Variants in MAST4 observed in about 807,000 individuals in gnomAD.
MAST4 encodes microtubule associated serine/threonine kinase family member 4.
MAST4 carries 89 observed loss-of-function variants against 162.7 expected under a neutral mutation model. The ratio of observed to expected loss-of-function variants is 0.55; its 90% CI spans 0.46 to 0.65. The LOEUF (loss-of-function observed/expected upper bound fraction) is 0.65, where lower values mean the gene tolerates loss of function less well. MAST4 is among the 30% of genes least tolerant of loss of function. MAST4 has a pLI of 0.00. For missense variants in MAST4, 3,153 were observed against 3,374.0 expected (o/e 0.93, Z 1.62); for synonymous variants, 1,479 against 1,361.1 (o/e 1.09, Z -1.91).
At chr5:67,009,297 T>G (rs2150346917) in intron 4 of MAST4, among the ~76,000 whole-genome samples, 1 of 152,266 alleles carries the variant, frequency 6.6e-6, no homozygotes, top group African/African-American at 2.4e-5. Flanking sequence ...TTGACGAAAG[T>G]GAAGAACAGA....
intron 3 of MAST4, among the ~76,000 whole-genome samples, chr5:66,844,290 T>TA (rs1352571026): frequency 1.3e-5 from 2 of 151,986 alleles, no homozygotes; most frequent in Non-Finnish European, 2.9e-5. Context: ...TATGACCTTT[T>TA]CAGCTTTGAA....
chr5:66,822,333 A>G (rs1366908163), intron 3 of MAST4, among the ~76,000 whole-genome samples: 1 of 152,180 alleles, frequency 6.6e-6, no homozygotes. Flanking sequence ...GTTGCCTTCA[A>G]TGGTAAGTTC....
intron 2 of MAST4, among the ~76,000 whole-genome samples, chr5:66,785,956 C>T (rs1366950164): frequency 6.6e-6 from 1 of 152,164 alleles, no homozygotes; most frequent in Non-Finnish European, 1.5e-5. Flanking sequence ...GCAACCTCCA[C>T]CTCCTAGGCT....
chr5:67,041,911 A>G (rs1474643300), intron 4 of MAST4, among the ~76,000 whole-genome samples: 3 of 152,230 alleles, frequency 2.0e-5, no homozygotes, highest in African/African-American at 7.2e-5. Context: ...TACAGGCATG[A>G]GCCACTGTGC....
intron 4 of MAST4, among the ~76,000 whole-genome samples, chr5:67,044,582 A>G (rs916112372): frequency 7.9e-5 from 12 of 152,122 alleles, no homozygotes; most frequent in African/African-American, 2.7e-4. Flanking sequence ...TGGAGTGATC[A>G]TGGCTCACTG....
chr5:66,999,793 T>C (rs1052725754), intron 4 of MAST4, among the ~76,000 whole-genome samples: 1 of 152,318 alleles, frequency 6.6e-6, no homozygotes, highest in South Asian at 2.1e-4. Flanking sequence ...GGCATTATTT[T>C]AAAATATTTT....
chr5:66,855,963 A>G (rs1759652905), intron 3 of MAST4, among the ~76,000 whole-genome samples: 1 of 152,060 alleles, frequency 6.6e-6, no homozygotes, highest in Non-Finnish European at 1.5e-5. Flanking sequence ...GGAGTTTGAG[A>G]CCAGTCTGGG....
intron 5 of MAST4, among the ~76,000 whole-genome samples, chr5:67,077,312 T>C (rs2150704374): frequency 6.6e-6 from 1 of 152,254 alleles, no homozygotes; most frequent in East Asian, 1.9e-4. Flanking sequence ...CATTCTGATT[T>C]AATTGGTTTG....
At chr5:66,640,309 C>CTTTT (rs770087325) in intron 1 of MAST4, among the ~76,000 whole-genome samples, 1 of 139,918 alleles carries the variant, frequency 7.1e-6, no homozygotes, top group Admixed American at 7.2e-5. Flanking sequence ...CAATTTGTTT[C>CTTTT]TTTTTTTTTT....
intron 11 of MAST4, among the ~76,000 whole-genome samples, chr5:67,113,545 A>G (rs1275246771): frequency 6.6e-6 from 1 of 152,188 alleles, no homozygotes; most frequent in Non-Finnish European, 1.5e-5. Context: ...CTTTATGTGA[A>G]TAGTAGTAAC....
chr5:67,002,232 A>C (rs536248646), intron 4 of MAST4, among the ~76,000 whole-genome samples: 2 of 152,338 alleles, frequency 1.3e-5, no homozygotes, highest in African/African-American at 2.4e-5. Flanking sequence ...ACTAAGAGAA[A>C]GTCTTCAGAA....
At chr5:67,002,813 T>C (rs1027694459) in intron 4 of MAST4, among the ~76,000 whole-genome samples, 4 of 151,756 alleles carry the variant, frequency 2.6e-5, no homozygotes, top group Non-Finnish European at 4.4e-5. Context: ...GACCCAAAAT[T>C]TTTGCTCTAA....
intron 3 of MAST4, among the ~76,000 whole-genome samples, chr5:66,875,291 A>G (rs1038633013): frequency 2.0e-5 from 3 of 152,218 alleles, no homozygotes; most frequent in African/African-American, 4.8e-5. Flanking sequence ...GTACTATGTA[A>G]ACTTTATAAA....
chr5:66,814,365 G>A (rs1045039454), intron 3 of MAST4, among the ~76,000 whole-genome samples: 1 of 152,084 alleles, frequency 6.6e-6, no homozygotes, highest in African/African-American at 2.4e-5. Flanking sequence ...TTTTCCTGTT[G>A]TGGGGCTTTT....
chr5:66,625,028 A>G (rs76416723), intron 1 of MAST4, among the ~76,000 whole-genome samples: 4,289 of 146,998 alleles, frequency 0.029, 193 homozygotes, highest in African/African-American at 0.099. Flanking sequence ...AAATAATCAA[A>G]ATGAAGTGTT....
chr5:67,160,381 A>G (rs927769720), intron 26 of MAST4, 75 bp from the exon 27 acceptor site: 5 of 1,390,878 alleles, frequency 3.6e-6, no homozygotes, highest in Admixed American at 2.5e-5. Context: ...GTATTTGTCT[A>G]TGAATCTCTC....
chr5:66,701,311 T>C (rs923242451), intron 1 of MAST4, among the ~76,000 whole-genome samples: 7 of 152,242 alleles, frequency 4.6e-5, no homozygotes, highest in African/African-American at 1.7e-4. Context: ...TGAGAGATTA[T>C]GAAACTGCTA....
chr5:66,661,606 T>G (rs1746915642), intron 1 of MAST4, among the ~76,000 whole-genome samples: 1 of 152,212 alleles, frequency 6.6e-6, no homozygotes, highest in Non-Finnish European at 1.5e-5. Flanking sequence ...TTGCACTACC[T>G]GCCCCATCTA....
intron 4 of MAST4, among the ~76,000 whole-genome samples, chr5:66,935,963 C>G (rs7722816): frequency 6.6e-6 from 1 of 152,102 alleles, no homozygotes; most frequent in Non-Finnish European, 1.5e-5. Context: ...CCATCGCACT[C>G]GGCGCCCAGT....
Sources: gnomAD v4.1 joint callset for allele counts (sites outside exome capture counted in the v4.1 genomes callset) on GRCh38, gnomAD v4.1.1 for gene constraint, MANE v1.5 for transcripts, NCBI Gene and HGNC (gene_info 2026-07-23, HGNC 2026-07-21) for gene names.